Variants in BMAL2 observed in about 807,000 individuals in gnomAD.
BMAL2 encodes basic helix-loop-helix ARNT-like protein 2.
the BMAL2 span, among the ~76,000 whole-genome samples, chr12:27,410,680 T>G: frequency 3.3e-5 from 5 of 152,080 alleles, no homozygotes; most frequent in Non-Finnish European, 5.9e-5. Context: ...CACCAACATG[T>G]CACATGTATA....
the BMAL2 span, among the ~76,000 whole-genome samples, chr12:27,416,762 G>A: frequency 3.9e-5 from 6 of 152,038 alleles, no homozygotes; most frequent in South Asian, 2.1e-4. Context: ...GTCCAAGACC[G>A]GCCTGGGCAA....
At chr12:27,374,921 T>G in the BMAL2 span, among the ~76,000 whole-genome samples, 4 of 152,250 alleles carry the variant, frequency 2.6e-5, no homozygotes, top group African/African-American at 9.6e-5. Context: ...AAAGCTCTTC[T>G]TGATTGAAAC....
the BMAL2 span, among the ~76,000 whole-genome samples, chr12:27,411,502 C>T: frequency 6.6e-6 from 1 of 152,018 alleles, no homozygotes; most frequent in East Asian, 1.9e-4. Flanking sequence ...GCGGTAGTCC[C>T]AGCTACTTGG....
chr12:27,352,910 T>G, the BMAL2 span, among the ~76,000 whole-genome samples: 32 of 152,256 alleles, frequency 2.1e-4, no homozygotes. Flanking sequence ...GACAAAACAC[T>G]GCTCAAAGAA....
the BMAL2 span, chr12:27,403,408 A>T: frequency 7.2e-7 from 1 of 1,390,688 alleles, no homozygotes; most frequent in Non-Finnish European, 1.0e-6. Context: ...TCCTCAACTG[A>T]ATTTCTCCTT....
the BMAL2 span, chr12:27,403,356 G>A: frequency 2.0e-6 from 2 of 984,990 alleles, no homozygotes; most frequent in Non-Finnish European, 3.1e-6. Flanking sequence ...TTTCTTTTAA[G>A]GAGAGAACTG....
the BMAL2 span, among the ~76,000 whole-genome samples, chr12:27,408,545 G>C: frequency 5.3e-5 from 8 of 152,078 alleles, no homozygotes; most frequent in East Asian, 3.9e-4. Flanking sequence ...ATTCAACAAC[G>C]CTTCATGCTA....
the BMAL2 span, among the ~76,000 whole-genome samples, chr12:27,409,885 A>G: frequency 6.6e-6 from 1 of 152,212 alleles, no homozygotes; most frequent in Non-Finnish European, 1.5e-5. Context: ...AATGAACTCC[A>G]ACAAATTTAC....
At chr12:27,352,241 T>C in the BMAL2 span, among the ~76,000 whole-genome samples, 314 of 152,354 alleles carry the variant, frequency 2.1e-3, 1 homozygote, top group African/African-American at 7.3e-3. Context: ...GGGAACATTA[T>C]ATACAATGAG....
chr12:27,366,900 A>G, the BMAL2 span, among the ~76,000 whole-genome samples: 1 of 152,192 alleles, frequency 6.6e-6, no homozygotes, highest in Admixed American at 6.5e-5. Context: ...AAAACTGGAA[A>G]GTTATTATGT....
chr12:27,374,785 T>G, the BMAL2 span, among the ~76,000 whole-genome samples: 4 of 152,200 alleles, frequency 2.6e-5, no homozygotes. Flanking sequence ...CCACTGGTTA[T>G]AGGACCTTGC....
At chr12:27,407,661 C>G in the BMAL2 span, among the ~76,000 whole-genome samples, 2 of 151,974 alleles carry the variant, frequency 1.3e-5, no homozygotes, top group African/African-American at 4.8e-5. Context: ...AAAATTGACA[C>G]CCTAAAATCA....
chr12:27,401,165 T>G, the BMAL2 span: 174 of 1,026,640 alleles, frequency 1.7e-4, 1 homozygote, highest in East Asian at 3.8e-3. Flanking sequence ...CCCTGTGCAC[T>G]TCTTTACGAT....
the BMAL2 span, among the ~76,000 whole-genome samples, chr12:27,347,062 T>C: frequency 6.6e-6 from 1 of 152,150 alleles, no homozygotes; most frequent in Non-Finnish European, 1.5e-5. Context: ...GAAGCAGATG[T>C]CCCATCTTGA....
the BMAL2 span, among the ~76,000 whole-genome samples, chr12:27,381,483 A>C: frequency 1.3e-5 from 2 of 152,122 alleles, no homozygotes; most frequent in African/African-American, 4.8e-5. Context: ...GAGCAGGACC[A>C]AGAGAGGGTA....
At chr12:27,401,156 C>T in the BMAL2 span, 2 of 919,388 alleles carry the variant, frequency 2.2e-6, no homozygotes, top group Non-Finnish European at 3.5e-6. Context: ...CATCCCCTAC[C>T]CTGTGCACTT....
the BMAL2 span, among the ~76,000 whole-genome samples, chr12:27,377,016 A>G: frequency 6.6e-6 from 1 of 151,166 alleles, no homozygotes; most frequent in Admixed American, 6.6e-5. Flanking sequence ...AAAAAAAAAA[A>G]AAAAAAAAGA....
chr12:27,362,209 C>T, the BMAL2 span, among the ~76,000 whole-genome samples: 1 of 152,034 alleles, frequency 6.6e-6, no homozygotes, highest in African/African-American at 2.4e-5. Flanking sequence ...GAAATAAATT[C>T]CCTGCACTTT....
At chr12:27,395,325 C>G in the BMAL2 span, among the ~76,000 whole-genome samples, 1 of 152,174 alleles carries the variant, frequency 6.6e-6, no homozygotes, top group Non-Finnish European at 1.5e-5. Flanking sequence ...CTAGACAACA[C>G]ATGACTGAAT....
Sources: allele counts gnomAD v4.1 joint callset (sites outside exome capture counted in the v4.1 genomes callset), GRCh38; gene constraint gnomAD v4.1.1; transcripts MANE v1.5; gene names NCBI Gene and HGNC (gene_info 2026-07-23, HGNC 2026-07-21).